The following KCNQ5 variants were observed in gnomAD, a reference collection of about 807,000 sequenced individuals.
The protein encoded by KCNQ5 is potassium voltage-gated channel subfamily KQT member 5.
A neutral mutation model predicts 98.2 loss-of-function variants in KCNQ5; 30 were observed. The ratio of observed to expected loss-of-function variants is 0.31; its 90% CI spans 0.23 to 0.41. The LOEUF (loss-of-function observed/expected upper bound fraction) is 0.41. Ranked by LOEUF, KCNQ5 falls within the 10% of genes least tolerant of loss-of-function variation. The pLI, the probability that KCNQ5 is intolerant of heterozygous loss-of-function variation, is 1.00. For missense variants in KCNQ5, 835 were observed against 1,182.5 expected (o/e 0.71, Z 4.31); for synonymous variants, 458 against 449.4 (o/e 1.02, Z -0.24).
chr6:72,984,162 G>C (rs1389438748), intron 1 of KCNQ5, among the ~76,000 whole-genome samples: 2 of 152,184 alleles, frequency 1.3e-5, no homozygotes, highest in African/African-American at 2.4e-5. Context: ...GCTACATGGG[G>C]GTCAGGGACC....
rs546094693 is a variant in KCNQ5, at chr6:72,922,596, T to TCTAC, written c.399-81311_399-81308dup. ...CTCACCAGTCCCTAGTAACCACAAT[T>TCTAC]CTACTCTCTGCTTCTATGTTCTCAA... On this transcript the variant is annotated intron_variant, in intron 1 of 13. Transcript: ENST00000370398. Among the ~76,000 whole-genome samples, 107 of 152,224 alleles carry TCTAC rather than the reference T, an allele frequency of 7.0e-4. 1 individual carries two copies. The highest frequency in any genetic ancestry group is 3.2e-4 in the Non-Finnish European group (22 of 68,004).
At chr6:73,140,699 G>A (rs892522940) in intron 10 of KCNQ5, among the ~76,000 whole-genome samples, 4 of 152,170 alleles carry the variant, frequency 2.6e-5, no homozygotes, top group Admixed American at 2.6e-4. Context: ...TCTATATTCA[G>A]CGTAATTGTT....
chr6:73,053,351 C>G (rs1772329059), intron 3 of KCNQ5, among the ~76,000 whole-genome samples: 4 of 152,008 alleles, frequency 2.6e-5, no homozygotes, highest in Admixed American at 2.6e-4. Flanking sequence ...AGGCAGAAAA[C>G]TAACAAAGAA....
At chr6:73,088,023 CTTT>C (rs35354592) in intron 5 of KCNQ5, among the ~76,000 whole-genome samples, 2 of 133,358 alleles carry the variant, frequency 1.5e-5, no homozygotes, top group African/African-American at 5.5e-5. Context: ...CTCTCTCTCT[CTTT>C]TTTTTTTTTT....
chr6:72,866,254 T>C, intron 1 of KCNQ5, among the ~76,000 whole-genome samples: 1 of 64,902 alleles, frequency 1.5e-5, no homozygotes, highest in South Asian at 4.7e-4. Flanking sequence ...CCATCTCCCT[T>C]TTTTTTTTTT....
chr6:72,814,700 G>A (rs570243911), intron 1 of KCNQ5, among the ~76,000 whole-genome samples: 6 of 152,262 alleles, frequency 3.9e-5, no homozygotes, highest in Admixed American at 3.3e-4. Flanking sequence ...CCTAAGCCTA[G>A]AGACATAGTC....
At chr6:72,703,712 T>A (rs1768937962) in intron 1 of KCNQ5, among the ~76,000 whole-genome samples, 1 of 152,118 alleles carries the variant, frequency 6.6e-6, no homozygotes, top group East Asian at 1.9e-4. Flanking sequence ...TCTGATTTTT[T>A]AAAAAAACAT....
chr6:73,010,383 A>C (rs1333376426), intron 2 of KCNQ5, among the ~76,000 whole-genome samples: 1 of 152,062 alleles, frequency 6.6e-6, no homozygotes, highest in Non-Finnish European at 1.5e-5. Flanking sequence ...TAAAAGCCAC[A>C]TATGAAAAAC....
intron 1 of KCNQ5, among the ~76,000 whole-genome samples, chr6:72,815,410 G>A (rs1185363206): frequency 6.6e-6 from 1 of 152,210 alleles, no homozygotes; most frequent in Non-Finnish European, 1.5e-5. Context: ...ACTTGACTGG[G>A]TCTTCCAAGA....
intron 10 of KCNQ5, among the ~76,000 whole-genome samples, chr6:73,162,260 T>C (rs1370128254): frequency 6.6e-6 from 1 of 151,920 alleles, no homozygotes; most frequent in Non-Finnish European, 1.5e-5. Context: ...GGGAACAGAG[T>C]ACTTGAAAGC....
intron 1 of KCNQ5, among the ~76,000 whole-genome samples, chr6:72,715,009 G>A (rs887358564): frequency 7.9e-5 from 12 of 151,906 alleles, no homozygotes; most frequent in South Asian, 4.2e-4. Flanking sequence ...TTTTAATGTA[G>A]GCAAGAATTC....
chr6:73,067,581 C>A (rs2150381724), intron 3 of KCNQ5, among the ~76,000 whole-genome samples: 1 of 152,232 alleles, frequency 6.6e-6, no homozygotes. Context: ...GGCTGTTGCA[C>A]ATGAAGTTTA....
At chr6:73,128,456 G>A (rs1325095700) in intron 9 of KCNQ5, among the ~76,000 whole-genome samples, 1 of 152,178 alleles carries the variant, frequency 6.6e-6, no homozygotes, top group Non-Finnish European at 1.5e-5. Context: ...GAATCCATCT[G>A]TCCAGAATAA....
intron 9 of KCNQ5, chr6:73,125,586 T>C (rs1775946727): frequency 4.0e-6 from 1 of 249,446 alleles, no homozygotes; most frequent in Non-Finnish European, 7.8e-6. Context: ...ACTATTATAA[T>C]AATTATATTA....
chr6:72,830,955 A>T (rs541294943), intron 1 of KCNQ5, among the ~76,000 whole-genome samples: 2 of 152,364 alleles, frequency 1.3e-5, no homozygotes, highest in Admixed American at 1.3e-4. Context: ...GAAGACATTT[A>T]TGCAGCCAAC....
At chr6:72,943,142 T>A (rs544451194) in intron 1 of KCNQ5, among the ~76,000 whole-genome samples, 2 of 152,346 alleles carry the variant, frequency 1.3e-5, no homozygotes, top group African/African-American at 2.4e-5. Flanking sequence ...CACCCTTTTT[T>A]AAATTAAATG....
chr6:72,884,898 G>A (rs193274194), intron 1 of KCNQ5, among the ~76,000 whole-genome samples: 3 of 152,244 alleles, frequency 2.0e-5, no homozygotes, highest in African/African-American at 4.8e-5. Flanking sequence ...GATTACAGGC[G>A]TGAGCCACCT....
chr6:73,103,481 G>C (rs1271528367), intron 5 of KCNQ5, among the ~76,000 whole-genome samples: 5 of 9,676 alleles, frequency 5.2e-4, no homozygotes, highest in African/African-American at 2.0e-3. Context: ...ACTGGGGCCT[G>C]TCATGGGGGG....
At position 73,102,763 on chromosome 6, in the gene KCNQ5, G is replaced by A. The variant is rs1386087729; in HGVS notation, c.919-2494G>A. On this transcript the variant is annotated intron_variant, in intron 5 of 13. Transcript: ENST00000370398. ...GATTTGGAGACAGGCAATAACAAAT[G>A]CTGGCAAGGATTTGGAGAAAAGGAC... 2.0e-5 allele frequency among the ~76,000 whole-genome samples: 3 copies of A among 152,080 alleles called. No homozygotes were observed. In the East Asian group the frequency reaches 5.8e-4, roughly 29 times the overall value.
Sources: allele counts gnomAD v4.1 joint callset (sites outside exome capture counted in the v4.1 genomes callset), GRCh38; gene constraint gnomAD v4.1.1; transcripts MANE v1.5; gene names NCBI Gene and HGNC (gene_info 2026-07-23, HGNC 2026-07-21).